The following SLC43A2 variants were observed in gnomAD, a reference collection of about 807,000 sequenced individuals.
SLC43A2 encodes the protein solute carrier family 43 member 2.
SLC43A2 carries 38 observed loss-of-function variants against 63.2 expected under a neutral mutation model. The ratio of observed to expected loss-of-function variants is 0.60; its 90% CI spans 0.46 to 0.79. The LOEUF is 0.79. Among genes scored for constraint, SLC43A2 ranks in the 30% least tolerant of loss-of-function variants. The probability of loss-of-function intolerance (pLI) is 0.00; values close to 1 mark genes in which losing one functional copy is unlikely to be tolerated. For missense variants in SLC43A2, 644 were observed against 756.2 expected, an observed-to-expected ratio of 0.85 and a Z score of 1.74; for synonymous variants, 322 against 331.0, an observed-to-expected ratio of 0.97 and a Z score of 0.30.
chr17:1,609,135 G>T (rs987577172), intron 5 of SLC43A2, among the ~76,000 whole-genome samples: 1 of 152,172 alleles, frequency 6.6e-6, no homozygotes, highest in South Asian at 2.1e-4. Context: ...TTTTAAAGAG[G>T]AATGACATGG....
At chr17:1,589,357 C>T (rs1904531591) in intron 9 of SLC43A2, among the ~76,000 whole-genome samples, 1 of 151,980 alleles carries the variant, frequency 6.6e-6, no homozygotes, top group Admixed American at 6.6e-5. Flanking sequence ...GTAATCCCAG[C>T]ACTTTGGGAG....
At chr17:1,614,716 G>C (rs1000357452) in intron 4 of SLC43A2, among the ~76,000 whole-genome samples, 7 of 152,122 alleles carry the variant, frequency 4.6e-5, no homozygotes, top group African/African-American at 1.7e-4. Context: ...TGCCTCTCAG[G>C]TTGGCATCAG....
chr17:1,582,630 A>T (rs1180190092), intron 11 of SLC43A2, among the ~76,000 whole-genome samples: 1 of 152,134 alleles, frequency 6.6e-6, no homozygotes, highest in Non-Finnish European at 1.5e-5. Flanking sequence ...CGCCCCCAAA[A>T]CCAAGACATG....
chr17:1,586,340 C>A (rs1375423856), intron 9 of SLC43A2, among the ~76,000 whole-genome samples: 1 of 152,158 alleles, frequency 6.6e-6, no homozygotes, highest in Admixed American at 6.6e-5. Flanking sequence ...CAGGAAGTCG[C>A]TATAACTTGG....
chr17:1,612,393 C>G lies in SLC43A2; in HGVS notation c.501+802G>C, dbSNP rs918226744. On this transcript the variant is annotated intron_variant, in intron 5 of 13. Transcript: ENST00000301335. ...TAGTACCCCGAGAAAACATCTCCCC[C>G]AGGCGACTGTCTGTGCCCGGGCACG... Among the ~76,000 whole-genome samples the G allele has an allele frequency of 1.8e-4, 28 of 152,222 alleles. 1 individual carries two copies. The highest frequency in any genetic ancestry group is 4.1e-4 in the South Asian group (2 of 4,830).
intron 5 of SLC43A2, among the ~76,000 whole-genome samples, chr17:1,602,474 C>T (rs1906148900): frequency 2.0e-5 from 3 of 151,896 alleles, no homozygotes; most frequent in Admixed American, 6.6e-5. Flanking sequence ...AGTGAAACCT[C>T]GTCTTTACTA....
At chr17:1,604,993 G>C (rs1341696795) in intron 5 of SLC43A2, 6 of 1,442,376 alleles carry the variant, frequency 4.2e-6, no homozygotes, top group South Asian at 1.4e-5. Flanking sequence ...TCGAGGGCTG[G>C]CGGAGGGGAA....
rs575452862 is a variant in SLC43A2, at chr17:1,583,197, C to T, written c.1350+7G>A. 3 of 1,613,700 alleles carry T rather than the reference C, an allele frequency of 1.9e-6. No homozygotes were observed. In the South Asian group the frequency reaches 3.3e-5, roughly 18 times the overall value. On this transcript the variant is annotated splice_region_variant and intron_variant, in intron 11 of 13. Coordinates refer to ENST00000301335, the MANE Select transcript of SLC43A2 (RefSeq NM_152346.3). This position sits in a 1 kb window ranked among gnomAD's most constrained non-coding sequence, Gnocchi z 5.5. ...TCCCACCTGCCCCTCCCACTCCCCA[C>T]ACCCACCTGGAGAGGCAGGTTGGGA...
Position 1,595,627 on chromosome 17 carries a change from G to A in SLC43A2, c.502-2348C>T, listed in dbSNP as rs1258336595. On this transcript the variant is annotated intron_variant, in intron 5 of 13. Coordinates refer to ENST00000301335, the MANE Select transcript of SLC43A2 (RefSeq NM_152346.3). ...TGCCCGGCTAATTTTTGTATTGTTA[G>A]TAGAGATAGGGTTTCACCATGCTGC... 2.6e-5 allele frequency among the ~76,000 whole-genome samples: 4 copies of A among 152,172 alleles called. No individual in the cohort carries two copies. The East Asian group carries it at 7.8e-4, about 29-fold the overall frequency.
At chr17:1,618,169 A>G (rs1367960494) in intron 2 of SLC43A2, among the ~76,000 whole-genome samples, 1 of 152,338 alleles carries the variant, frequency 6.6e-6, no homozygotes, top group East Asian at 1.9e-4. Context: ...GCTTCATGCC[A>G]ACGTGTGGCC....
intron 2 of SLC43A2, among the ~76,000 whole-genome samples, chr17:1,623,728 C>G (rs867109768): frequency 3.8e-5 from 5 of 131,104 alleles, no homozygotes; most frequent in African/African-American, 8.7e-5. Context: ...CTCCTCCAGG[C>G]TGTACCCTCC....
intron 2 of SLC43A2, among the ~76,000 whole-genome samples, chr17:1,620,941 G>A (rs181072559): frequency 9.9e-5 from 15 of 152,184 alleles, no homozygotes; most frequent in African/African-American, 3.6e-4. Context: ...GCTCACCCCC[G>A]GCCAGGCTGC....
intron 2 of SLC43A2, among the ~76,000 whole-genome samples, chr17:1,623,739 T>C (rs1335450037): frequency 2.4e-5 from 3 of 125,820 alleles, no homozygotes; most frequent in Non-Finnish European, 5.1e-5. Context: ...TGTACCCTCC[T>C]CTCCTCCAGG....
At position 1,627,734 on chromosome 17, in the gene SLC43A2, G is replaced by A. The variant is rs142033670; in HGVS notation, c.141C>T (p.Ser47=). 302 of 1,578,920 alleles carry A rather than the reference G, an allele frequency of 1.9e-4. 2 individuals carry two copies. In the African/African-American group the frequency reaches 3.7e-3, roughly 19 times the overall value. ...LIMLKSEGFY[S]YLCTEPENVT... ...TCTCACCTGGCTCGGTACACAGGTA[G>A]GAGTAAAAGCCCTCTGACTTGAGCA... is the stretch of plus-strand genomic sequence containing the variant. The change falls in exon 2 of 14, where the codon TCC becomes TCT. Residue 47 remains serine, a synonymous_variant. Transcript: ENST00000301335.
intron 5 of SLC43A2, among the ~76,000 whole-genome samples, chr17:1,608,718 A>G (rs950571097): frequency 1.3e-5 from 2 of 152,106 alleles, no homozygotes; most frequent in Admixed American, 1.3e-4. Flanking sequence ...TAGCCTTCAC[A>G]CAGACCTGCC....
At chr17:1,595,395 C>A (rs117097298) in intron 5 of SLC43A2, among the ~76,000 whole-genome samples, 71 of 152,132 alleles carry the variant, frequency 4.7e-4, no homozygotes, top group East Asian at 3.5e-3. Flanking sequence ...ATCTTCCCCC[C>A]CCAGCTCCCA....
At chr17:1,626,270 G>C (rs1313244125) in intron 2 of SLC43A2, among the ~76,000 whole-genome samples, 1 of 150,502 alleles carries the variant, frequency 6.6e-6, no homozygotes, top group Non-Finnish European at 1.5e-5. Flanking sequence ...AGAGAGGAAA[G>C]GAGAGGAAGA....
At chr17:1,586,159 G>A in intron 9 of SLC43A2, 108 bp from the exon 10 acceptor site, 1 of 1,428,158 alleles carries the variant, frequency 7.0e-7, no homozygotes. Context: ...TCTGGGGTCT[G>A]CCCCAGAACC....
In SLC43A2 at chr17:1,570,146, G is replaced by A. The variant is rs1391881298; in HGVS notation, c.*5458C>T. The A allele has an allele frequency of 6.6e-6, 1 of 151,984 alleles. No individual in the cohort carries two copies. Among genetic ancestry groups the A allele is most frequent in the African/African-American group, 2.4e-5 (1 of 41,358 alleles). 9.4% of individuals were successfully genotyped at this position (151,984 alleles called of 1,614,324 possible). A position where few individuals can be genotyped will look rare whatever the true frequency, so the allele number is the denominator to read the frequency against. ...CTGACCTTGTGATCCGCCCGCCTCA[G>A]CCTCCCAAAGTGCTGGGATTACAGG... is the stretch of plus-strand genomic sequence containing the variant. On this transcript the variant is annotated 3_prime_UTR_variant, in exon 14 of 14. Coordinates refer to ENST00000301335, the MANE Select transcript of SLC43A2 (RefSeq NM_152346.3).
Sources: gnomAD v4.1 joint callset for allele counts (sites outside exome capture counted in the v4.1 genomes callset) on GRCh38, gnomAD v4.1.1 for gene constraint, Gnocchi (gnomAD v3.1) non-coding constraint, MANE v1.5 for transcripts, NCBI Gene and HGNC (gene_info 2026-07-23, HGNC 2026-07-21) for gene names.